Variants in ATM observed in about 807,000 individuals in gnomAD.
ATM encodes the protein serine-protein kinase ATM.
In ATM, 308 loss-of-function variants were observed where a neutral mutation model predicts 387.0. The observed-to-expected ratio is 0.80, with a 90% CI of 0.73 to 0.87. ATM has a LOEUF of 0.87. Among genes scored for constraint, ATM ranks in the 40% least tolerant of loss-of-function variants. The pLI is 0.00. For synonymous variants in ATM, 1,156 were observed against 1,187.3 expected (o/e 0.97, Z 0.54); for missense variants, 3,312 against 3,560.9 (o/e 0.93, Z 1.78).
At chr11:108,249,196 G>T in intron 9 of ATM, 94 bp downstream of exon 9, 1 of 1,418,894 alleles carries the variant, frequency 7.0e-7, no homozygotes, top group South Asian at 1.2e-5. Flanking sequence ...ATCTCAACCA[G>T]AACTAAGTCA....
intron 4 of ATM, chr11:108,231,613 T>G (rs2079015049): frequency 6.7e-6 from 1 of 149,514 alleles, no homozygotes; most frequent in South Asian, 2.1e-4. Context: ...GGAGAATTGC[T>G]TGAACCTGGA....
chr11:108,304,928 T>G (rs2083610882), intron 37 of ATM, 76 bp downstream of exon 37: 1 of 1,499,896 alleles, frequency 6.7e-7, no homozygotes, highest in African/African-American at 1.4e-5. Flanking sequence ...GGAATCCCAC[T>G]AAAAGCACTT....
rs2080522697 is a variant in ATM at position 108,256,839 on chromosome 11, A to G, written c.2250+499A>G. Among the ~76,000 whole-genome samples, 2 of 152,170 alleles carry G rather than the reference A, an allele frequency of 1.3e-5. 1 individual carries two copies. Among genetic ancestry groups the G allele is most frequent in the South Asian group, 4.1e-4 (2 of 4,828 alleles). On this transcript the variant is annotated intron_variant, in intron 14 of 62. Coordinates refer to ENST00000675843, the MANE Select transcript of ATM (RefSeq NM_000051.4). ...AGCTTCATCCATGTCCCTGCAAAGGACATGAACTCATCCTTTTTTATGGCT... is the reference window on the plus strand; with the variant it reads ...AGCTTCATCCATGTCCCTGCAAAGGGCATGAACTCATCCTTTTTTATGGCT...
chr11:108,271,172 G>T (rs1341006932), intron 19 of ATM, 26 bp downstream of exon 19: 1 of 1,612,502 alleles, frequency 6.2e-7, no homozygotes, highest in Non-Finnish European at 8.5e-7. Flanking sequence ...CTTATGTTAT[G>T]TTCACTTTAA....
intron 39 of ATM, among the ~76,000 whole-genome samples, chr11:108,311,980 C>T (rs1056736942): frequency 1.3e-5 from 2 of 152,104 alleles, no homozygotes; most frequent in African/African-American, 2.4e-5. Context: ...GATCTACTTC[C>T]TTTTCAATAG....
intron 17 of ATM, among the ~76,000 whole-genome samples, chr11:108,267,673 G>T (rs906016555): frequency 1.3e-5 from 2 of 151,940 alleles, no homozygotes; most frequent in African/African-American, 4.8e-5. Context: ...CCTGGCTAAC[G>T]TGGTGAAACC....
intron 28 of ATM, 139 bp downstream of exon 28, chr11:108,289,242 A>C (rs1272945521): frequency 1.1e-6 from 1 of 928,956 alleles, no homozygotes; most frequent in Non-Finnish European, 1.6e-6. Context: ...TTCATTTACA[A>C]GTTTAAATGG....
rs2137030694 is a variant in ATM at position 108,345,817 on chromosome 11, C to T, written c.8493C>T (p.Phe2831=). ...MDVCQNFQPV[F]RYFCMEKFLD... ...TTTGCCAAAATTTTCAACCAGTTTTCCGTTACTTCTGCATGGAAAAATTCT... is the reference window on the plus strand; with the variant it reads ...TTTGCCAAAATTTTCAACCAGTTTTTCGTTACTTCTGCATGGAAAAATTCT... The change falls in exon 58 of 63, where the codon TTC becomes TTT. Residue 2831 remains phenylalanine, a synonymous_variant. Transcript: ENST00000675843. The T allele has an allele frequency of 6.2e-7, 1 of 1,613,834 alleles. No homozygotes were observed. Among genetic ancestry groups the T allele is most frequent in the Non-Finnish European group, 8.5e-7 (1 of 1,179,830 alleles).
chr11:108,239,691 A>G (rs1282133469), intron 5 of ATM, among the ~76,000 whole-genome samples: 2 of 152,154 alleles, frequency 1.3e-5, no homozygotes, highest in Non-Finnish European at 2.9e-5. Flanking sequence ...GTAATTCTAT[A>G]TTTAATTTTT....
chr11:108,360,138 C>A (rs1207041171), intron 61 of ATM, among the ~76,000 whole-genome samples: 2 of 148,676 alleles, frequency 1.3e-5, no homozygotes, highest in African/African-American at 2.5e-5. Context: ...CACAGAAATA[C>A]AAACTACCAT....
At chr11:108,246,905 G>A (rs2135263111) in intron 7 of ATM, 59 bp from the exon 8 acceptor site, 1 of 1,389,940 alleles carries the variant, frequency 7.2e-7, no homozygotes, top group East Asian at 2.3e-5. Flanking sequence ...TTTTGTGGGA[G>A]CTAGCAGTGT....
At chr11:108,362,711 A>G (rs1187365615) in intron 61 of ATM, among the ~76,000 whole-genome samples, 1 of 145,368 alleles carries the variant, frequency 6.9e-6, no homozygotes, top group Non-Finnish European at 1.5e-5. Flanking sequence ...AAAAAACCAA[A>G]CACCGCATAT....
rs876660014 is a variant in ATM at position 108,321,304 on chromosome 11, A to G, written c.6456A>G (p.Val2152=). 9.3e-6 allele frequency: 15 copies of G among 1,614,002 alleles called. No homozygotes were observed. The highest frequency in any genetic ancestry group is 1.3e-5 in the Non-Finnish European group (15 of 1,179,976). The part of the protein sequence containing the change: ...TFYESLKYAR[V]KEVEEMCKRS... Reference sequence around the variant, plus strand: ...GTCTTTTCTTTTTTGCTACTAGAGTAAAAGAAGTGGAAGAGATGTGTAAGC... The same window carrying G: ...GTCTTTTCTTTTTTGCTACTAGAGTGAAAGAAGTGGAAGAGATGTGTAAGC... The change falls in exon 45 of 63, where the codon GTA becomes GTG. Residue 2152 remains valine, a synonymous_variant. Transcript: ENST00000675843.
chr11:108,268,453 T>C lies in ATM; in HGVS notation c.2682T>C (p.Asp894=). 1 of 1,614,036 alleles carries C rather than the reference T, an allele frequency of 6.2e-7. No homozygotes were observed. Among genetic ancestry groups the C allele is most frequent in the Non-Finnish European group, 8.5e-7 (1 of 1,179,990 alleles). Residue 894 remains aspartate (D), a synonymous_variant, in exon 18 of 63, where the codon GAT becomes GAC. Coordinates refer to ENST00000675843, the MANE Select transcript of ATM (RefSeq NM_000051.4). ...CTGAAGAATATCTGTCAAAGCAAGA[T>C]CTACTTTTCTTAGACATGCTCAAGT... ...PLAEEYLSKQ[D]LLFLDMLKFL...
Position 108,347,754 on chromosome 11 carries a change from G to A in ATM, c.8671+389G>A, listed in dbSNP as rs114283569. 1.4e-3 allele frequency among the ~76,000 whole-genome samples: 208 copies of A among 152,198 alleles called. 1 individual carries two copies. Among genetic ancestry groups the A allele is most frequent in the African/African-American group, 4.7e-3 (195 of 41,558 alleles). ...AGTGAAGTAAGCCTGTAGTTGAGTC[G>A]CTTGAGAGAGAGATTGGTACTAGAC... On this transcript the variant is annotated intron_variant, in intron 59 of 62. Coordinates refer to ENST00000675843, the MANE Select transcript of ATM (RefSeq NM_000051.4).
intron 56 of ATM, among the ~76,000 whole-genome samples, chr11:108,342,792 T>G (rs1159304028): frequency 1.3e-5 from 2 of 152,200 alleles, no homozygotes; most frequent in Non-Finnish European, 2.9e-5. Flanking sequence ...ACATGTAATT[T>G]CAATAATGAA....
At chr11:108,259,916 A>G (rs1353673950) in intron 16 of ATM, among the ~76,000 whole-genome samples, 2 of 151,876 alleles carry the variant, frequency 1.3e-5, no homozygotes, top group Non-Finnish European at 2.9e-5. Flanking sequence ...TTTCCATGTC[A>G]CTGTACTTAT....
rs749153873 is a variant in ATM at position 108,330,451 on chromosome 11, C to A, written c.7515+30C>A. 8.1e-6 allele frequency: 13 copies of A among 1,609,626 alleles called. No homozygotes were observed. In the Admixed American group the frequency reaches 1.8e-4, roughly 23 times the overall value. Reference sequence around the variant, plus strand: ...GTGTTACTCAGCCCAATATTCTACCCTGTGCTTGAAAAACTTAGACATAAG... The same window carrying A: ...GTGTTACTCAGCCCAATATTCTACCATGTGCTTGAAAAACTTAGACATAAG... On this transcript the variant is annotated intron_variant, in intron 50 of 62. Transcript: ENST00000675843.
At chr11:108,242,178 A>G (rs1283287265) in intron 5 of ATM, among the ~76,000 whole-genome samples, 2 of 152,204 alleles carry the variant, frequency 1.3e-5, no homozygotes, top group Non-Finnish European at 2.9e-5. Flanking sequence ...AAATGAAATG[A>G]GATCTAATTG....
Sources: gnomAD v4.1 joint callset for allele counts (sites outside exome capture counted in the v4.1 genomes callset) on GRCh38, gnomAD v4.1.1 for gene constraint, MANE v1.5 for transcripts, NCBI Gene and HGNC (gene_info 2026-07-23, HGNC 2026-07-21) for gene names.